Variants in NEB observed in about 807,000 individuals in gnomAD.
NEB encodes nemaline myopathy type 2.
A neutral mutation model predicts 952.2 loss-of-function variants in NEB; 512 were observed. That is an observed-to-expected ratio of 0.54 (90% CI 0.50 to 0.58). The LOEUF is 0.58. Ranked by LOEUF, NEB falls within the 20% of genes least tolerant of loss-of-function variation. The pLI, the probability that NEB is intolerant of heterozygous loss-of-function variation, is 0.00. For synonymous variants in NEB, 2,900 were observed against 3,149.8 expected (o/e 0.92, Z 2.66); for missense variants, 8,428 against 9,231.1 (o/e 0.91, Z 3.56).
intron 36 of NEB, among the ~76,000 whole-genome samples, chr2:151,673,201 T>C (rs1035728975): frequency 1.3e-5 from 2 of 152,142 alleles, no homozygotes; most frequent in Non-Finnish European, 2.9e-5. Flanking sequence ...AAAAACCTAA[T>C]GGAAAAAGTT....
At chr2:151,624,265 A>G (rs936700163) in intron 71 of NEB, among the ~76,000 whole-genome samples, 1 of 152,164 alleles carries the variant, frequency 6.6e-6, no homozygotes, top group Non-Finnish European at 1.5e-5. Flanking sequence ...ATGCAATTTT[A>G]AAGAAAGTAA....
In NEB at chr2:151,650,384, GAAA is replaced by G; in HGVS notation, c.7228-8_7228-6del. ...AAGGTCAGATTTATATAGATTCTGT[GAAA>G]AGACAGAGCAAGCCATCAAAATCCC... On this transcript the variant is annotated splice_polypyrimidine_tract_variant and splice_region_variant and intron_variant, in intron 53 of 181. Transcript: ENST00000397345. 6.2e-7 allele frequency: 1 copy of G among 1,612,620 alleles called. No homozygotes were observed. The highest frequency in any genetic ancestry group is 8.5e-7 in the Non-Finnish European group (1 of 1,178,842).
chr2:151,719,355 C>T lies in NEB; in HGVS notation c.718-1835G>A, dbSNP rs113976252. ...CCGTGACACAACTGTGAAGTTTCTA[C>T]GATTATTTTCCCTTCCTCATGGCAG... On this transcript the variant is annotated intron_variant, in intron 9 of 181. Coordinates refer to ENST00000397345, the MANE Select transcript of NEB (RefSeq NM_001164508.2). Among the ~76,000 whole-genome samples the T allele has an allele frequency of 3.1e-3, 478 of 152,276 alleles. 3 individuals carry two copies. Among genetic ancestry groups the T allele is most frequent in the African/African-American group, 0.011 (448 of 41,552 alleles).
chr2:151,679,718 T>TA lies in NEB; in HGVS notation c.3255+2dup, dbSNP rs1276026682. ...GCCCATGTATGACCACAGCTGGACTTACGTCACTCGCCGCCTGCCTGGCAG... is the reference window on the plus strand; with the variant it reads ...GCCCATGTATGACCACAGCTGGACTTAACGTCACTCGCCGCCTGCCTGGCAG... On this transcript the variant is annotated splice_region_variant and intron_variant, in intron 32 of 181. Coordinates refer to ENST00000397345, the MANE Select transcript of NEB (RefSeq NM_001164508.2). The TA allele has an allele frequency of 2.7e-6, 4 of 1,457,936 alleles. No homozygotes were observed. The highest frequency in any genetic ancestry group is 1.9e-4 in the Middle Eastern group (1 of 5,348). 90.3% of individuals were successfully genotyped at this position (1,457,936 alleles called of 1,614,324 possible).
At position 151,695,689 on chromosome 2, in the gene NEB, CAG is replaced by C. The variant is rs775523631; in HGVS notation, c.1570-9_1570-8del. The C allele has an allele frequency of 1.3e-6, 2 of 1,593,946 alleles. No homozygotes were observed. Among genetic ancestry groups the C allele is most frequent in the African/African-American group, 2.7e-5 (2 of 74,516 alleles). On this transcript the variant is annotated splice_region_variant and splice_polypyrimidine_tract_variant and intron_variant, in intron 17 of 181. Transcript: ENST00000397345. ...GTTTTGCTTTGTAATTTAACTATGA[CAG>C]AGAGAGAACCAATTAGTTCAGAAGA...
In NEB at chr2:151,616,647, T is replaced by C. The variant is rs193221910; in HGVS notation, c.11182-538A>G. Reference sequence around the variant, plus strand: ...AGGCGGAGGTTGCAGTGAACCAAAATTGTGCCACTGCACTCCAGCCTGGGT... The same window carrying C: ...AGGCGGAGGTTGCAGTGAACCAAAACTGTGCCACTGCACTCCAGCCTGGGT... On this transcript the variant is annotated intron_variant, in intron 75 of 181. Coordinates refer to ENST00000397345, the MANE Select transcript of NEB (RefSeq NM_001164508.2). Among the ~76,000 whole-genome samples the C allele has an allele frequency of 8.6e-4, 131 of 152,256 alleles. 6 individuals are homozygous for C. In the East Asian group the frequency reaches 0.024, roughly 27 times the overall value.
At chr2:151,517,748 C>T (rs2078730730) in intron 156 of NEB, among the ~76,000 whole-genome samples, 1 of 152,070 alleles carries the variant, frequency 6.6e-6, no homozygotes, top group African/African-American at 2.4e-5. Context: ...CTTGATACCT[C>T]TAAGCATAGA....
Position 151,545,905 on chromosome 2 carries a change from T to C in NEB, c.20560A>G (p.Lys6854Glu), listed in dbSNP as rs755153443. ...TPEYRKVQEL[K>E]THLSELVYRA... is the part of the protein sequence containing the mutation. Reference sequence around the variant, plus strand: ...GTCCTTACCTCACTCAGATGTGTCTTCAGTTCTTGCACTTTTCTGTATTCT... The same window carrying C: ...GTCCTTACCTCACTCAGATGTGTCTCCAGTTCTTGCACTTTTCTGTATTCT... The change falls in exon 135 of 182, where the codon AAG becomes GAG. Residue 6854 changes from lysine (K) to glutamate (E), a missense_variant. Around this residue, in one of 11 missense-constraint regions of NEB, gnomAD observed 3,374 missense variants for 3,651.5 expected, o/e 0.92. Coordinates refer to ENST00000397345, the MANE Select transcript of NEB (RefSeq NM_001164508.2). The C allele has an allele frequency of 2.5e-6, 4 of 1,605,778 alleles. No homozygotes were observed. The highest frequency in any genetic ancestry group is 3.4e-6 in the Non-Finnish European group (4 of 1,174,356).
At chr2:151,604,158 G>GA (rs760786138) in intron 85 of NEB, among the ~76,000 whole-genome samples, 5 of 119,560 alleles carry the variant, frequency 4.2e-5, no homozygotes, top group Non-Finnish European at 8.5e-5. Context: ...TGCGTAATGA[G>GA]AAAAAAATAC....
intron 64 of NEB, among the ~76,000 whole-genome samples, chr2:151,634,643 A>C (rs2098722770): frequency 6.6e-6 from 1 of 152,000 alleles, no homozygotes; most frequent in Admixed American, 6.6e-5. Flanking sequence ...CCATCTCAAA[A>C]AAATAAAATA....
chr2:151,498,367 A>G lies in NEB; in HGVS notation c.24115-15T>C. On this transcript the variant is annotated splice_polypyrimidine_tract_variant and intron_variant, in intron 169 of 181. Transcript: ENST00000397345. ...TTGTATAGCACCTGTATGATGAGAAAGCATCCAGAACAAAAAAAGCAATCA... is the reference window on the plus strand; with the variant it reads ...TTGTATAGCACCTGTATGATGAGAAGGCATCCAGAACAAAAAAAGCAATCA... The G allele has an allele frequency of 6.6e-7, 1 of 1,521,624 alleles. No homozygotes were observed. Among genetic ancestry groups the G allele is most frequent in the Non-Finnish European group, 8.9e-7 (1 of 1,124,050 alleles). The allele number at this position is 1,521,624 out of a possible 1,614,324, so 94.3% of individuals were successfully genotyped here.
chr2:151,537,079 G>A, intron 141 of NEB, 53 bp downstream of exon 141: 1 of 1,104,066 alleles, frequency 9.1e-7, no homozygotes, highest in Non-Finnish European at 1.4e-6. Flanking sequence ...AATTCTCTCT[G>A]GGTACAGGTA....
chr2:151,643,298 C>G lies in NEB; in HGVS notation c.8012G>C (p.Gly2671Ala). 6.2e-7 allele frequency: 1 copy of G among 1,613,876 alleles called. No homozygotes were observed. The highest frequency in any genetic ancestry group is 1.7e-5 in the Admixed American group (1 of 60,016). Residue 2671 changes from glycine to alanine, a missense_variant, in exon 58 of 182, where the codon GGT (glycine) becomes GCT (alanine). Around this residue, in one of 11 missense-constraint regions of NEB, gnomAD observed 1,772 missense variants for 1,960.3 expected, o/e 0.90. Coordinates refer to ENST00000397345, the MANE Select transcript of NEB (RefSeq NM_001164508.2). The part of the protein sequence containing the change: ...WLKGIGWMTS[G>A]SLEDEKNKRA... ...TTTATTTTTCTCATCCTCGAGAGAA[C>G]CACTAGTCATCCAGCCAATGCCTTT...
chr2:151,606,116 G>A lies in NEB; in HGVS notation c.12747+490C>T, dbSNP rs945002108. 2.0e-4 allele frequency among the ~76,000 whole-genome samples: 15 copies of A among 73,550 alleles called. 3 individuals carry two copies. The highest frequency in any genetic ancestry group is 1.6e-3 in the Admixed American group (7 of 4,326). 48.3% of individuals were successfully genotyped at this position (73,550 alleles called of 152,430 possible). A position where few individuals can be genotyped will look rare whatever the true frequency, so the allele number is the denominator to read the frequency against. Reference sequence around the variant, plus strand: ...ATTACAGGGGTGAGCCACCATGCCCGACAGGTAGCATAATTATTTTGACCA... The same window carrying A: ...ATTACAGGGGTGAGCCACCATGCCCAACAGGTAGCATAATTATTTTGACCA... On this transcript the variant is annotated intron_variant, in intron 84 of 181. Transcript: ENST00000397345.
At chr2:151,723,288 T>C (rs373234291) in intron 9 of NEB, 94 bp downstream of exon 9, 8 of 738,378 alleles carry the variant, frequency 1.1e-5, no homozygotes, top group South Asian at 1.1e-4. Context: ...TAGTCTCTTA[T>C]ACAGAAGAGT....
chr2:151,521,209 A>G (rs2081744657), intron 153 of NEB, among the ~76,000 whole-genome samples: 5 of 152,188 alleles, frequency 3.3e-5, no homozygotes, highest in Admixed American at 3.3e-4. Flanking sequence ...TAACAATGAA[A>G]TCTGCCACAT....
chr2:151,546,531 C>T, intron 133 of NEB, 88 bp from the exon 134 acceptor site: 2 of 704,624 alleles, frequency 2.8e-6, no homozygotes, highest in Admixed American at 2.5e-5. Flanking sequence ...TTCTTAATTA[C>T]TGTGTCTTTC....
Position 151,497,015 on chromosome 2 carries a change from T to C in NEB, c.24319A>G (p.Met8107Val), listed in dbSNP as rs2152956262. 1.3e-6 allele frequency: 2 copies of C among 1,571,492 alleles called. No individual in the cohort carries two copies. The highest frequency in any genetic ancestry group is 2.3e-5 in the East Asian group (1 of 43,248). ...NISSVLYKEN[M>V]GKGTPLPVTP... ...ACAGGTAGAGGGGTTCCCTTGCCCA[T>C]GTTTTCTTTGTATAACACCTGTGCG... is the stretch of plus-strand genomic sequence containing the variant. Residue 8107 changes from methionine to valine, a missense_variant, in exon 172 of 182, where the codon ATG (methionine) becomes GTG (valine). By Grantham distance (21) the Met-to-Val change is conservative. Coordinates refer to ENST00000397345, the MANE Select transcript of NEB (RefSeq NM_001164508.2).
Position 151,725,478 on chromosome 2 carries a change from T to C in NEB, c.377A>G (p.Lys126Arg). The C allele has an allele frequency of 6.2e-7, 1 of 1,613,620 alleles. No homozygotes were observed. Among genetic ancestry groups the C allele is most frequent in the South Asian group, 1.1e-5 (1 of 90,994 alleles). ...CTCACTGAGTTGATCTTGTACTTTT[T>C]TGATTCTGCGAAGTTCTGGAGTATC... is the stretch of plus-strand genomic sequence containing the variant. ...TTDTPELRRIKKVQDQLSEVK... is the reference protein window; with the variant it reads ...TTDTPELRRIRKVQDQLSEVK... The change falls in exon 6 of 182, where the codon AAA (lysine) becomes AGA (arginine). Residue 126 changes from lysine to arginine, a missense_variant. Coordinates refer to ENST00000397345, the MANE Select transcript of NEB (RefSeq NM_001164508.2).
Sources: gnomAD v4.1 joint callset for allele counts (sites outside exome capture counted in the v4.1 genomes callset) on GRCh38, gnomAD v4.1.1 for gene constraint, gnomAD v4.1.1 regional missense constraint, MANE v1.5 for transcripts, NCBI Gene and HGNC (gene_info 2026-07-23, HGNC 2026-07-21) for gene names.